CHCHD6: variants seen among roughly 807,000 people sequenced by gnomAD.
The protein encoded by CHCHD6 is coiled-coil-helix-coiled-coil-helix domain containing 6, also known as MICOS complex subunit MIC25.
CHCHD6 carries 28 observed loss-of-function variants against 32.3 expected under a neutral mutation model. The observed-to-expected ratio is 0.87, with a 90% CI of 0.64 to 1.19. The LOEUF is 1.19. CHCHD6 is among the 50% of genes most tolerant of loss of function. The probability of loss-of-function intolerance (pLI) is 0.00; values close to 1 mark genes in which losing one functional copy is unlikely to be tolerated. For synonymous variants in CHCHD6, 122 were observed against 117.5 expected, an observed-to-expected ratio of 1.04 and a Z score of -0.25; for missense variants, 333 against 307.0, an observed-to-expected ratio of 1.08 and a Z score of -0.63.
At chr3:126,869,970 G>A (rs936239867) in intron 5 of CHCHD6, among the ~76,000 whole-genome samples, 3 of 152,298 alleles carry the variant, frequency 2.0e-5, no homozygotes, top group Non-Finnish European at 4.4e-5. Flanking sequence ...CTTTCAGGAT[G>A]TTTTCCTGTT....
At chr3:126,897,962 G>T (rs978045308) in intron 5 of CHCHD6, among the ~76,000 whole-genome samples, 2 of 152,198 alleles carry the variant, frequency 1.3e-5, no homozygotes, top group African/African-American at 4.8e-5. Context: ...GTGGAGTGGG[G>T]AACATGGAAA....
chr3:126,889,203 G>A (rs190551398), intron 5 of CHCHD6, among the ~76,000 whole-genome samples: 3 of 152,300 alleles, frequency 2.0e-5, no homozygotes, highest in Admixed American at 6.5e-5. Context: ...CAGAGGTGAC[G>A]TGGAGAGAAG....
intron 5 of CHCHD6, among the ~76,000 whole-genome samples, chr3:126,887,570 C>T (rs1576556516): frequency 2.0e-5 from 3 of 152,154 alleles, no homozygotes; most frequent in Non-Finnish European, 2.9e-5. Context: ...AAAAGTTCAG[C>T]GAGTAGCCCA....
chr3:126,948,900 C>T (rs565469014), intron 6 of CHCHD6, among the ~76,000 whole-genome samples: 82 of 152,366 alleles, frequency 5.4e-4, no homozygotes, highest in Non-Finnish European at 1.0e-3. Flanking sequence ...ATCACAGTTT[C>T]ACCCCATACC....
At chr3:126,956,717 T>C (rs189443708) in intron 6 of CHCHD6, among the ~76,000 whole-genome samples, 7 of 152,306 alleles carry the variant, frequency 4.6e-5, no homozygotes, top group African/African-American at 7.2e-5. Flanking sequence ...GCTCTTTTTT[T>C]CCACAACTTT....
intron 4 of CHCHD6, among the ~76,000 whole-genome samples, chr3:126,813,587 G>A (rs1939752142): frequency 6.6e-6 from 1 of 152,174 alleles, no homozygotes; most frequent in Admixed American, 6.5e-5. Flanking sequence ...TTTGAGAAAG[G>A]CATTAGTTTT....
chr3:126,836,672 C>T (rs540273259), intron 4 of CHCHD6, among the ~76,000 whole-genome samples: 69 of 152,270 alleles, frequency 4.5e-4, no homozygotes, highest in African/African-American at 1.6e-3. Flanking sequence ...AGAGGCAAAG[C>T]GCTGTAGCAG....
intron 4 of CHCHD6, among the ~76,000 whole-genome samples, chr3:126,838,848 A>G (rs1301549994): frequency 6.6e-6 from 1 of 151,896 alleles, no homozygotes; most frequent in Non-Finnish European, 1.5e-5. Context: ...TCCTTTTCCC[A>G]AAATCAACTT....
chr3:126,830,828 A>G (rs1940607330), intron 4 of CHCHD6, among the ~76,000 whole-genome samples: 1 of 152,138 alleles, frequency 6.6e-6, no homozygotes, highest in South Asian at 2.1e-4. Context: ...CAGATCCCTG[A>G]CCGGATGTTT....
chr3:126,797,174 G>A (rs574007959), intron 4 of CHCHD6, among the ~76,000 whole-genome samples: 8 of 152,254 alleles, frequency 5.3e-5, no homozygotes, highest in South Asian at 4.1e-4. Flanking sequence ...TCTCTAGCCC[G>A]GCGAGCAGGG....
At chr3:126,822,140 C>G (rs1940180226) in intron 4 of CHCHD6, among the ~76,000 whole-genome samples, 1 of 152,050 alleles carries the variant, frequency 6.6e-6, no homozygotes, top group Non-Finnish European at 1.5e-5. Context: ...ATCCATTGCC[C>G]AGTTTAAGGT....
intron 4 of CHCHD6, among the ~76,000 whole-genome samples, chr3:126,795,225 C>T (rs1032779549): frequency 6.6e-6 from 1 of 152,080 alleles, no homozygotes; most frequent in South Asian, 2.1e-4. Context: ...AGTGTGAATC[C>T]CAGTTCTGTC....
At chr3:126,810,088 A>G (rs1939595001) in intron 4 of CHCHD6, among the ~76,000 whole-genome samples, 1 of 152,238 alleles carries the variant, frequency 6.6e-6, no homozygotes, top group South Asian at 2.1e-4. Context: ...TACAACAGCA[A>G]CACTGGAAGC....
At chr3:126,743,224 C>G (rs757291012) in intron 4 of CHCHD6, among the ~76,000 whole-genome samples, 11 of 152,084 alleles carry the variant, frequency 7.2e-5, no homozygotes, top group Non-Finnish European at 1.3e-4. Flanking sequence ...GAAGGGGGAG[C>G]CCAACATTTT....
chr3:126,874,798 T>G (rs1054238492), intron 5 of CHCHD6, among the ~76,000 whole-genome samples: 2 of 152,148 alleles, frequency 1.3e-5, no homozygotes, highest in Non-Finnish European at 2.9e-5. Flanking sequence ...AGCCTGCCAG[T>G]TCCCTGCTCA....
At chr3:126,881,791 T>A (rs1418580734) in intron 5 of CHCHD6, among the ~76,000 whole-genome samples, 1 of 152,228 alleles carries the variant, frequency 6.6e-6, no homozygotes, top group African/African-American at 2.4e-5. Context: ...CTAATTGAAC[T>A]TTTTAATAGA....
chr3:126,760,607 T>C (rs1203495160), intron 4 of CHCHD6, among the ~76,000 whole-genome samples: 1 of 152,246 alleles, frequency 6.6e-6, no homozygotes, highest in Non-Finnish European at 1.5e-5. Context: ...TGTCCTTTTG[T>C]AACTGGCTTA....
At chr3:126,704,854 C>T (rs1341564451) in intron 1 of CHCHD6, among the ~76,000 whole-genome samples, 1 of 152,176 alleles carries the variant, frequency 6.6e-6, no homozygotes, top group African/African-American at 2.4e-5. Flanking sequence ...CAGGAAGAAC[C>T]ATAGCTCAGA....
intron 4 of CHCHD6, among the ~76,000 whole-genome samples, chr3:126,749,989 G>A (rs1175350818): frequency 2.0e-5 from 3 of 152,148 alleles, no homozygotes; most frequent in Admixed American, 6.5e-5. Context: ...TTGGCCCGAC[G>A]TCTGTTCAGG....
Sources: gnomAD v4.1 joint callset for allele counts (sites outside exome capture counted in the v4.1 genomes callset) on GRCh38, gnomAD v4.1.1 for gene constraint, MANE v1.5 for transcripts, NCBI Gene and HGNC (gene_info 2026-07-23, HGNC 2026-07-21) for gene names.